Variants in HDAC3 observed in about 807,000 individuals in gnomAD.
HDAC3 encodes the protein SMAP45.
In HDAC3, 21 loss-of-function variants were observed where a neutral mutation model predicts 62.3. The observed-to-expected ratio is 0.34, with a 90% confidence interval of 0.24 to 0.49. The LOEUF is 0.49. HDAC3 is among the 20% of genes least tolerant of loss of function. HDAC3 has a pLI of 0.99. For missense variants in HDAC3, 270 were observed against 556.9 expected, an observed-to-expected ratio of 0.48 and a Z score of 5.19; for synonymous variants, 198 against 206.5, an observed-to-expected ratio of 0.96 and a Z score of 0.35.
At chr5:141,633,961 C>G (rs1454400056) in intron 3 of HDAC3, among the ~76,000 whole-genome samples, 2 of 150,700 alleles carry the variant, frequency 1.3e-5, no homozygotes, top group Non-Finnish European at 1.5e-5. Context: ...AGTTTAAAAA[C>G]AAAAGTAAGT....
In HDAC3 at chr5:141,629,311, A is replaced by G; in HGVS notation, c.477-5T>C. The G allele has an allele frequency of 6.2e-7, 1 of 1,614,146 alleles. No homozygotes were observed. ...TAGAGCACCCGAGGGTGGTACCTAG[A>G]GGGAAGCCAAAGCCAGGGTCTGAGC... On this transcript the variant is annotated splice_polypyrimidine_tract_variant and splice_region_variant and intron_variant, in intron 6 of 14. Transcript: ENST00000305264. This position sits in a 1 kb window ranked among gnomAD's most constrained non-coding sequence, Gnocchi z 5.3.
chr5:141,626,217 A>T lies in HDAC3; in HGVS notation c.897T>A (p.Thr299=), dbSNP rs749174375. The change falls in exon 11 of 15, where the codon ACT becomes ACA. Residue 299 remains threonine, a synonymous_variant. Transcript: ENST00000305264. This position sits in a 1 kb window ranked among gnomAD's most constrained non-coding sequence, Gnocchi z 4.6. ...ACCAGCAGCGGGCAACATTTCGGAC[A>T]GTATAACCACCACCACCCAGCACGA... ...PLLVLGGGGY[T]VRNVARCWTY... 5 of 1,614,054 alleles carry T rather than the reference A, an allele frequency of 3.1e-6. No homozygotes were observed. In the African/African-American group the frequency reaches 4.0e-5, roughly 13 times the overall value.
At position 141,628,802 on chromosome 5, in the gene HDAC3, T is replaced by C. The variant is rs529422241; in HGVS notation, c.611-163A>G. ...TTGCAGCTTGCATTCATTGGGCAAATAGTTTTGGGGGATCCACTCTGAGCC... is the reference window on the plus strand; with the variant it reads ...TTGCAGCTTGCATTCATTGGGCAAACAGTTTTGGGGGATCCACTCTGAGCC... On this transcript the variant is annotated intron_variant, in intron 7 of 14. Transcript: ENST00000305264. This position sits in a 1 kb window ranked among gnomAD's most constrained non-coding sequence, Gnocchi z 4.7. Among the ~76,000 whole-genome samples, 4 of 152,324 alleles carry C rather than the reference T, an allele frequency of 2.6e-5. No individual in the cohort carries two copies. Among genetic ancestry groups the C allele is most frequent in the Non-Finnish European group, 5.9e-5 (4 of 68,022 alleles).
At position 141,629,312 on chromosome 5, in the gene HDAC3, G is replaced by A; in HGVS notation, c.477-6C>T. 6.2e-7 allele frequency: 1 copy of A among 1,614,152 alleles called. No homozygotes were observed. Among genetic ancestry groups the A allele is most frequent in the South Asian group, 1.1e-5 (1 of 91,084 alleles). Reference sequence around the variant, plus strand: ...AGAGCACCCGAGGGTGGTACCTAGAGGGAAGCCAAAGCCAGGGTCTGAGCT... The same window carrying A: ...AGAGCACCCGAGGGTGGTACCTAGAAGGAAGCCAAAGCCAGGGTCTGAGCT... On this transcript the variant is annotated splice_polypyrimidine_tract_variant and splice_region_variant and intron_variant, in intron 6 of 14. Transcript: ENST00000305264. The surrounding 1 kb of genome is among the most constrained non-coding windows in gnomAD (Gnocchi z 5.3).
Position 141,625,683 on chromosome 5 carries a change from A to G in HDAC3, c.1059+2T>C. The G allele has an allele frequency of 6.2e-7, 1 of 1,613,886 alleles. No individual in the cohort carries two copies. The highest frequency in any genetic ancestry group is 8.5e-7 in the Non-Finnish European group (1 of 1,179,824). ...TGTGCTCAGCTTTTCTGAGCTGCTG[A>G]CCTGGCGTGAGTTCTGATTCTCGAT... On this transcript the variant is annotated splice_donor_variant, in intron 13 of 14. Coordinates refer to ENST00000305264, the MANE Select transcript of HDAC3 (RefSeq NM_003883.4). LOFTEE classifies it high-confidence loss of function. This position sits in a 1 kb window ranked among gnomAD's most constrained non-coding sequence, Gnocchi z 4.0.
rs368440778 is a variant in HDAC3, at chr5:141,621,545, G to T, written c.1218-8C>A. The T allele has an allele frequency of 1.2e-5, 19 of 1,611,714 alleles. No homozygotes were observed. The African/African-American group carries it at 2.4e-4, about 20-fold the overall frequency. On this transcript the variant is annotated splice_polypyrimidine_tract_variant and splice_region_variant and intron_variant, in intron 14 of 14. Coordinates refer to ENST00000305264, the MANE Select transcript of HDAC3 (RefSeq NM_003883.4). ...TCATTGGGTGCCTCTGGCCTGCAAA[G>T]CAAGGGGAGAGAGGTCAGGATCTCA...
chr5:141,634,038 A>T (rs548174326), intron 3 of HDAC3, among the ~76,000 whole-genome samples: 2 of 152,224 alleles, frequency 1.3e-5, no homozygotes, highest in African/African-American at 4.8e-5. Flanking sequence ...AGTGTGGCTT[A>T]TCTTTGTTGT....
At chr5:141,630,191 C>A (rs2099904990) in intron 3 of HDAC3, 66 bp from the exon 4 acceptor site, 1 of 1,424,188 alleles carries the variant, frequency 7.0e-7, no homozygotes, top group African/African-American at 1.4e-5. Flanking sequence ...TATCTCCCTC[C>A]CCATCCTAGA....
intron 10 of HDAC3, among the ~76,000 whole-genome samples, chr5:141,627,454 A>C (rs189001877): frequency 1.6e-4 from 25 of 152,258 alleles, no homozygotes; most frequent in African/African-American, 5.8e-4. Flanking sequence ...ACTCCTTCTT[A>C]GTCTCCAGGT....
At chr5:141,630,373 C>A (rs201094273) in intron 3 of HDAC3, among the ~76,000 whole-genome samples, 5 of 152,156 alleles carry the variant, frequency 3.3e-5, no homozygotes, top group African/African-American at 1.2e-4. Flanking sequence ...ATCCTAGCTG[C>A]GGAAAGAAGC....
chr5:141,635,027 C>G, intron 2 of HDAC3, 74 bp from the exon 3 acceptor site: 1 of 1,514,958 alleles, frequency 6.6e-7, no homozygotes, highest in Non-Finnish European at 9.0e-7. Context: ...CCATACTGAA[C>G]CCAGTCCTGG....
rs2099904279 is a variant in HDAC3 at position 141,625,148 on chromosome 5, T to TC, written c.1217+59dup. ...AACTAATACCTTCCCATTTACTTTT[T>TC]CCCTTTTAAACCTCCCCAGCAAGCC... On this transcript the variant is annotated intron_variant, in intron 14 of 14. Transcript: ENST00000305264. This position sits in a 1 kb window ranked among gnomAD's most constrained non-coding sequence, Gnocchi z 4.0. 5 of 1,489,576 alleles carry TC rather than the reference T, an allele frequency of 3.4e-6. No homozygotes were observed. Among genetic ancestry groups the TC allele is most frequent in the Non-Finnish European group, 3.6e-6 (4 of 1,109,916 alleles). The allele number at this position is 1,489,576 out of a possible 1,614,324, so 92.3% of individuals were successfully genotyped here.
In HDAC3 at chr5:141,626,451, T is replaced by C; in HGVS notation, c.831-168A>G. ...CCTTAAGATTTGGGTATACTTTATA[T>C]GCTGTGTCTCAATAAAAATTTTAAA... On this transcript the variant is annotated intron_variant, in intron 10 of 14. Transcript: ENST00000305264. This position sits in a 1 kb window ranked among gnomAD's most constrained non-coding sequence, Gnocchi z 4.6. The C allele has an allele frequency of 1.6e-6, 1 of 624,236 alleles. No homozygotes were observed. The highest frequency in any genetic ancestry group is 2.8e-5 in the East Asian group (1 of 36,174). The allele number at this position is 624,236 out of a possible 1,614,324, so 38.7% of individuals were successfully genotyped here.
At chr5:141,622,891 C>G (rs2099903915) in intron 14 of HDAC3, among the ~76,000 whole-genome samples, 2 of 152,120 alleles carry the variant, frequency 1.3e-5, no homozygotes, top group Admixed American at 6.5e-5. Context: ...GAGGCCGAGG[C>G]AGGCAGATCA....
Position 141,629,416 on chromosome 5 carries a change from G to A in HDAC3, c.477-110C>T, listed in dbSNP as rs2099904888. 9 of 1,462,962 alleles carry A rather than the reference G, an allele frequency of 6.2e-6. No individual in the cohort carries two copies. The South Asian group carries it at 1.1e-4, about 18-fold the overall frequency. 90.6% of individuals were successfully genotyped at this position (1,462,962 alleles called of 1,614,324 possible). On this transcript the variant is annotated intron_variant, in intron 6 of 14. Coordinates refer to ENST00000305264, the MANE Select transcript of HDAC3 (RefSeq NM_003883.4). The surrounding 1 kb of genome is among the most constrained non-coding windows in gnomAD (Gnocchi z 5.3). ...GAGTCTGCTTCTGCCCTGGTCACCT[G>A]AAACTTAATGTCACCAGTTCCCTAA...
At chr5:141,622,619 A>G (rs2099903872) in intron 14 of HDAC3, among the ~76,000 whole-genome samples, 1 of 151,888 alleles carries the variant, frequency 6.6e-6, no homozygotes, top group African/African-American at 2.4e-5. Flanking sequence ...AAAAAGAAAG[A>G]AAAGAAAAAG....
At position 141,621,393 on chromosome 5, in the gene HDAC3, G is replaced by A. The variant is rs2099903684; in HGVS notation, c.*75C>T. ...CCTGGGGTGACCCCCAGGACTCTAGGAGCCACTCCTTTTCCCTCCAGCCCA... is the reference window on the plus strand; with the variant it reads ...CCTGGGGTGACCCCCAGGACTCTAGAAGCCACTCCTTTTCCCTCCAGCCCA... On this transcript the variant is annotated 3_prime_UTR_variant, in exon 15 of 15. Transcript: ENST00000305264. The A allele has an allele frequency of 8.0e-6, 11 of 1,374,236 alleles. No homozygotes were observed. The highest frequency in any genetic ancestry group is 9.4e-6 in the Non-Finnish European group (9 of 962,354). The allele number at this position is 1,374,236 out of a possible 1,614,324, so 85.1% of individuals were successfully genotyped here. A position where few individuals can be genotyped will look rare whatever the true frequency, so the allele number is the denominator to read the frequency against.
intron 2 of HDAC3, among the ~76,000 whole-genome samples, chr5:141,635,519 C>CCAGT (rs2099905839): frequency 6.6e-6 from 1 of 152,240 alleles, no homozygotes; most frequent in Non-Finnish European, 1.5e-5. Flanking sequence ...TTTTCTATGA[C>CCAGT]CAGTCCATTT....
Position 141,625,836 on chromosome 5 carries a change from T to C in HDAC3, c.980-72A>G. On this transcript the variant is annotated intron_variant, in intron 12 of 14. Coordinates refer to ENST00000305264, the MANE Select transcript of HDAC3 (RefSeq NM_003883.4). The surrounding 1 kb of genome is among the most constrained non-coding windows in gnomAD (Gnocchi z 4.0). ...TAACAAGACTTCCCAATCTTTTTCC[T>C]TCCCATCCAGAGCACCTACATAATA... The C allele has an allele frequency of 6.8e-7, 1 of 1,474,094 alleles. No individual in the cohort carries two copies. 91.3% of individuals were successfully genotyped at this position (1,474,094 alleles called of 1,614,324 possible).
Sources: gnomAD v4.1 joint callset for allele counts (sites outside exome capture counted in the v4.1 genomes callset) on GRCh38, gnomAD v4.1.1 for gene constraint, Gnocchi (gnomAD v3.1) non-coding constraint, MANE v1.5 for transcripts, NCBI Gene and HGNC (gene_info 2026-07-23, HGNC 2026-07-21) for gene names.